Variants in DIPK2A observed in about 807,000 individuals in gnomAD.
The protein encoded by DIPK2A is Golgi Protein of 49 kDa.
In DIPK2A, 27 loss-of-function variants were observed where a neutral mutation model predicts 39.0. The observed-to-expected ratio is 0.69, with a 90% CI of 0.51 to 0.96. The LOEUF is 0.96. DIPK2A is among the 40% of genes least tolerant of loss of function. The pLI is 0.00. For missense variants in DIPK2A, 528 were observed against 571.3 expected (o/e 0.92, Z 0.77); for synonymous variants, 298 against 240.8 (o/e 1.24, Z -2.20).
intron 1 of DIPK2A, among the ~76,000 whole-genome samples, chr3:143,983,521 C>T (rs904083915): frequency 1.3e-5 from 2 of 152,114 alleles, no homozygotes; most frequent in East Asian, 1.9e-4. Context: ...AGAACAAAGA[C>T]ACAACATATC....
intron 1 of DIPK2A, chr3:143,973,835 A>G (rs2087692472): frequency 1.9e-6 from 1 of 517,052 alleles, no homozygotes; most frequent in Non-Finnish European, 3.5e-6. Flanking sequence ...TTTTAGGGGA[A>G]TAGGATGGAA....
In DIPK2A at chr3:143,985,759, A is replaced by C. The variant is rs755209101; in HGVS notation, c.874A>C (p.Asn292His). Residue 292 changes from asparagine to histidine, a missense_variant, in exon 2 of 3, where the codon AAT (asparagine) becomes CAT (histidine). Around this residue, in one of 2 missense-constraint regions of DIPK2A, gnomAD observed 219 missense variants for 281.5 expected, o/e 0.78. Transcript: ENST00000315691. ...CTACCTCCTGGACGTCAGCTTTGAC[A>C]ATTTTGCAGTTGGTCCTAGAGATGG... Reference protein sequence around the residue: ...ALYLLDVSFDNFAVGPRDGKV... With the variant: ...ALYLLDVSFDHFAVGPRDGKV... The C allele has an allele frequency of 1.2e-6, 2 of 1,614,068 alleles. No individual in the cohort carries two copies. The highest frequency in any genetic ancestry group is 1.1e-5 in the South Asian group (1 of 91,086).
intron 1 of DIPK2A, among the ~76,000 whole-genome samples, chr3:143,977,837 G>A (rs1270979991): frequency 6.6e-6 from 1 of 152,006 alleles, no homozygotes; most frequent in East Asian, 1.9e-4. Flanking sequence ...AAAAGGGGGT[G>A]GGGACTTTTA....
Position 143,990,299 on chromosome 3 carries a change from C to CT in DIPK2A, c.*469dup, listed in dbSNP as rs1419370157. 5.5e-4 allele frequency: 78 copies of CT among 141,896 alleles called. No homozygotes were observed. Among genetic ancestry groups the CT allele is most frequent in the African/African-American group, 9.1e-4 (35 of 38,436 alleles). The allele number at this position is 141,896 out of a possible 1,614,324, so 8.8% of individuals were successfully genotyped here. A position where few individuals can be genotyped will look rare whatever the true frequency, so the allele number is the denominator to read the frequency against. On this transcript the variant is annotated 3_prime_UTR_variant, in exon 3 of 3. Coordinates refer to ENST00000315691, the MANE Select transcript of DIPK2A (RefSeq NM_173552.5). ...TTCTGATGTGTAGGGTTTTTTCCCC[C>CT]TTTTTTTTTTTAATTAAATTTTGAA...
chr3:143,973,744 C>G (rs1430889955), intron 1 of DIPK2A: 3 of 606,196 alleles, frequency 4.9e-6, no homozygotes, highest in Non-Finnish European at 8.9e-6. Flanking sequence ...TAGGCCAGGG[C>G]GAGTATCAGG....
chr3:143,972,522 T>C lies in DIPK2A; in HGVS notation c.190T>C (p.Cys64Arg), dbSNP rs1201901312. ...KCPACFGTSWCRRFLNGQVVF... is the reference protein window; with the variant it reads ...KCPACFGTSWRRRFLNGQVVF... The stretch of plus-strand genomic sequence containing the variant: ...CCCGGCGTGCTTCGGCACGAGCTGG[T>C]GCCGCCGCTTCCTCAACGGGCAGGT... The change falls in exon 1 of 3, where the codon TGC becomes CGC. Residue 64 changes from cysteine to arginine, a missense_variant. Physicochemically the swap from Cys to Arg is radical, Grantham distance 180. Transcript: ENST00000315691. 1 of 1,611,762 alleles carries C rather than the reference T, an allele frequency of 6.2e-7. No homozygotes were observed. Among genetic ancestry groups the C allele is most frequent in the Non-Finnish European group, 8.5e-7 (1 of 1,179,492 alleles).
rs534790050 is a variant in DIPK2A, at chr3:143,985,930, A to G, written c.961+84A>G. The G allele has an allele frequency of 2.0e-4, 230 of 1,158,424 alleles. 1 individual carries two copies. The highest frequency in any genetic ancestry group is 1.3e-3 in the Middle Eastern group (5 of 3,928). 71.8% of individuals were successfully genotyped at this position (1,158,424 alleles called of 1,614,324 possible). ...TATACTTGTATGAAATGAGCCTTGAATTTCCTCCTTAGATGGCAACTTTAA... is the reference window on the plus strand; with the variant it reads ...TATACTTGTATGAAATGAGCCTTGAGTTTCCTCCTTAGATGGCAACTTTAA... On this transcript the variant is annotated intron_variant, in intron 2 of 2. Transcript: ENST00000315691.
Position 143,972,376 on chromosome 3 carries a change from C to A in DIPK2A, c.44C>A (p.Ser15Ter). 1 of 1,416,654 alleles carries A rather than the reference C, an allele frequency of 7.1e-7. No homozygotes were observed. Among genetic ancestry groups the A allele is most frequent in the Non-Finnish European group, 9.2e-7 (1 of 1,084,506 alleles). 87.8% of individuals were successfully genotyped at this position (1,416,654 alleles called of 1,614,324 possible). A position where few individuals can be genotyped will look rare whatever the true frequency, so the allele number is the denominator to read the frequency against. Residue 15 changes from serine to a stop codon, truncating the protein, a stop_gained, in exon 1 of 3, where the codon TCG (serine) becomes TAG (stop). Transcript: ENST00000315691. LOFTEE classifies it high-confidence loss of function. Reference sequence around the variant, plus strand: ...CCGAAGCTGGGCCGCCTGTCCCGCTCGCTGAAGCTGGCGGCGCTGGGCAGC... The same window carrying A: ...CCGAAGCTGGGCCGCCTGTCCCGCTAGCTGAAGCTGGCGGCGCTGGGCAGC... ...VPPKLGRLSR[S>*]LKLAALGSLL...
At chr3:143,977,180 A>G (rs1435129525) in intron 1 of DIPK2A, among the ~76,000 whole-genome samples, 1 of 152,064 alleles carries the variant, frequency 6.6e-6, no homozygotes, top group Non-Finnish European at 1.5e-5. Context: ...TAAACAAAAG[A>G]TTATTTAGCT....
Position 143,989,575 on chromosome 3 carries a change from T to G in DIPK2A, c.1027T>G (p.Leu343Val). The G allele has an allele frequency of 1.9e-6, 3 of 1,614,240 alleles. No individual in the cohort carries two copies. Among genetic ancestry groups the G allele is most frequent in the Non-Finnish European group, 2.5e-6 (3 of 1,180,020 alleles). ...TGATGACTGTGATAAGGAGGCTTGC[T>G]TATCATTTTCAAAAGAAATTCTTTG... ...KFDDCDKEAC[L>V]SFSKEILCAR... The change falls in exon 3 of 3, where the codon TTA becomes GTA. Residue 343 changes from leucine (L) to valine (V), a missense_variant. Around this residue, in one of 2 missense-constraint regions of DIPK2A, gnomAD observed 219 missense variants for 281.5 expected, o/e 0.78. Transcript: ENST00000315691.
In DIPK2A at chr3:143,972,037, T is replaced by C. The variant is rs527507217; in HGVS notation, c.-296T>C. The C allele has an allele frequency of 1.7e-5, 6 of 344,684 alleles. No individual in the cohort carries two copies. Among genetic ancestry groups the C allele is most frequent in the Admixed American group, 1.4e-4 (3 of 20,954 alleles). The allele number at this position is 344,684 out of a possible 1,614,324, so 21.4% of individuals were successfully genotyped here. A position where few individuals can be genotyped will look rare whatever the true frequency, so the allele number is the denominator to read the frequency against. ...TCCCCGCGCTCCCTCCCCCTCCCGC[T>C]CCTCTATAACTTGGCTGGCGTGGAG... On this transcript the variant is annotated 5_prime_UTR_variant, in exon 1 of 3. Transcript: ENST00000315691.
At chr3:143,987,873 T>C (rs1271996130) in intron 2 of DIPK2A, among the ~76,000 whole-genome samples, 1 of 152,190 alleles carries the variant, frequency 6.6e-6, no homozygotes, top group Non-Finnish European at 1.5e-5. Context: ...AACCACCTAA[T>C]TGGCAAATTT....
intron 1 of DIPK2A, among the ~76,000 whole-genome samples, chr3:143,977,513 T>A (rs1010772883): frequency 6.6e-6 from 1 of 152,034 alleles, no homozygotes; most frequent in Non-Finnish European, 1.5e-5. Flanking sequence ...GAGTTAAGGG[T>A]AGCCAAGGAT....
intron 1 of DIPK2A, among the ~76,000 whole-genome samples, chr3:143,977,027 G>A (rs1005401775): frequency 2.0e-5 from 3 of 151,926 alleles, no homozygotes; most frequent in Non-Finnish European, 4.4e-5. Context: ...CCATACTTTA[G>A]TTATACTGAT....
At chr3:143,989,009 C>T (rs1255509785) in intron 2 of DIPK2A, among the ~76,000 whole-genome samples, 1 of 152,216 alleles carries the variant, frequency 6.6e-6, no homozygotes, top group Non-Finnish European at 1.5e-5. Context: ...CTACGTTTCT[C>T]ACACTCTAGC....
At chr3:143,986,092 T>C (rs1182246368) in intron 2 of DIPK2A, 2 of 456,736 alleles carry the variant, frequency 4.4e-6, no homozygotes, top group Non-Finnish European at 7.8e-6. Flanking sequence ...CTACGGGACA[T>C]CATAGCTTAG....
At chr3:143,982,531 T>G (rs767908230) in intron 1 of DIPK2A, among the ~76,000 whole-genome samples, 6 of 152,156 alleles carry the variant, frequency 3.9e-5, no homozygotes, top group Non-Finnish European at 8.8e-5. Context: ...ATAAAATCCT[T>G]TCCAGACAAG....
rs1205943316 is a variant in DIPK2A, at chr3:143,972,075, G to A, written c.-258G>A. The A allele has an allele frequency of 1.1e-5, 4 of 380,670 alleles. No individual in the cohort carries two copies. Among genetic ancestry groups the A allele is most frequent in the Non-Finnish European group, 9.3e-6 (2 of 215,308 alleles). 23.6% of individuals were successfully genotyped at this position (380,670 alleles called of 1,614,324 possible). A position where few individuals can be genotyped will look rare whatever the true frequency, so the allele number is the denominator to read the frequency against. ...GGCTGGCGTGGAGGAGGCGCCGCCG[G>A]AGTCGGAGGGCGGGGAGCTAGGAGG... On this transcript the variant is annotated 5_prime_UTR_variant, in exon 1 of 3. Transcript: ENST00000315691.
chr3:143,972,043 A>C lies in DIPK2A; in HGVS notation c.-290A>C. ...CGCTCCCTCCCCCTCCCGCTCCTCTATAACTTGGCTGGCGTGGAGGAGGCG... is the reference window on the plus strand; with the variant it reads ...CGCTCCCTCCCCCTCCCGCTCCTCTCTAACTTGGCTGGCGTGGAGGAGGCG... On this transcript the variant is annotated 5_prime_UTR_variant, in exon 1 of 3. Coordinates refer to ENST00000315691, the MANE Select transcript of DIPK2A (RefSeq NM_173552.5). The C allele has an allele frequency of 8.8e-6, 3 of 340,408 alleles. No individual in the cohort carries two copies. Among genetic ancestry groups the C allele is most frequent in the East Asian group, 4.4e-5 (1 of 22,598 alleles). The allele number at this position is 340,408 out of a possible 1,614,324, so 21.1% of individuals were successfully genotyped here. A position where few individuals can be genotyped will look rare whatever the true frequency, so the allele number is the denominator to read the frequency against.
Sources: gnomAD v4.1 joint callset for allele counts (sites outside exome capture counted in the v4.1 genomes callset) on GRCh38, gnomAD v4.1.1 for gene constraint, gnomAD v4.1.1 regional missense constraint, MANE v1.5 for transcripts, NCBI Gene and HGNC (gene_info 2026-07-23, HGNC 2026-07-21) for gene names.